The following PDE10A variants were observed in gnomAD, a reference collection of about 807,000 sequenced individuals.
PDE10A encodes phosphodiesterase 10A.
In PDE10A, 39 loss-of-function variants were observed where a neutral mutation model predicts 97.7. That is an observed-to-expected ratio of 0.40 (90% confidence interval 0.31 to 0.52). The LOEUF (loss-of-function observed/expected upper bound fraction) is 0.52. Among genes scored for constraint, PDE10A ranks in the 20% least tolerant of loss-of-function variants. The pLI is 0.56. For synonymous variants in PDE10A, 371 were observed against 376.8 expected, an observed-to-expected ratio of 0.98 and a Z score of 0.18; for missense variants, 731 against 1,047.8, an observed-to-expected ratio of 0.70 and a Z score of 4.17.
At chr6:165,531,994 T>C (rs2128315208) in intron 2 of PDE10A, among the ~76,000 whole-genome samples, 1 of 152,240 alleles carries the variant, frequency 6.6e-6, no homozygotes, top group Non-Finnish European at 1.5e-5. Context: ...GGTACAAAAA[T>C]GAACAACAAC....
At chr6:165,823,524 A>ATATATATATG (rs72442429) in intron 1 of PDE10A, among the ~76,000 whole-genome samples, 3,894 of 79,080 alleles carry the variant, frequency 0.049, 645 homozygotes, top group Non-Finnish European at 0.074. Flanking sequence ...ATATATATAT[A>ATATATATATG]TGAACCTTAA....
At chr6:165,417,635 C>CA (rs11285799) in intron 11 of PDE10A, among the ~76,000 whole-genome samples, 1 of 151,892 alleles carries the variant, frequency 6.6e-6, no homozygotes, top group Non-Finnish European at 1.5e-5. Flanking sequence ...ACAGCAACAA[C>CA]AAAAAAAACC....
chr6:165,454,775 A>G (rs776774895), intron 3 of PDE10A, among the ~76,000 whole-genome samples: 13 of 152,198 alleles, frequency 8.5e-5, no homozygotes, highest in Admixed American at 3.9e-4. Context: ...CAAAGATAAC[A>G]GTGTCCCTGG....
Position 165,661,836 on chromosome 6 carries a change from A to G in PDE10A, c.865+111T>C, listed in dbSNP as rs1790281183. ...CCCCCTGGGCGCTCCACGCCCGGGC[A>G]CGGGCACCTCGCTCGACACCCGCTT... On this transcript the variant is annotated intron_variant, in intron 1 of 21. Transcript: ENST00000539869. This position sits in a 1 kb window ranked among gnomAD's most constrained non-coding sequence, Gnocchi z 4.8. 3.3e-6 allele frequency: 2 copies of G among 600,042 alleles called. No individual in the cohort carries two copies. The highest frequency in any genetic ancestry group is 6.1e-6 in the Non-Finnish European group (2 of 326,918). The allele number at this position is 600,042 out of a possible 1,614,324, so 37.2% of individuals were successfully genotyped here.
chr6:165,615,910 C>T (rs767672330), intron 1 of PDE10A, among the ~76,000 whole-genome samples: 16 of 152,100 alleles, frequency 1.1e-4, no homozygotes, highest in Non-Finnish European at 1.6e-4. Flanking sequence ...TGAATCCACA[C>T]CCTGAAGGCC....
chr6:165,779,507 C>T lies in PDE10A; in HGVS notation c.-615+208022G>A, dbSNP rs372736032. 6.6e-5 allele frequency among the ~76,000 whole-genome samples: 10 copies of T among 152,278 alleles called. 1 individual carries two copies. Among genetic ancestry groups the T allele is most frequent in the African/African-American group, 1.4e-4 (6 of 41,550 alleles). On this transcript the variant is annotated intron_variant, in intron 1 of 19. Coordinates refer to the PDE10A transcript ENST00000366882. ...GGGGTTTCCATTTGTCATTGCCAAG[C>T]GGCCGTACTCTGCTGCAATTAATCC... is the stretch of plus-strand genomic sequence containing the variant.
chr6:165,836,891 G>C lies in PDE10A; in HGVS notation c.-615+150638C>G, dbSNP rs1037397010. Among the ~76,000 whole-genome samples, 8 of 152,106 alleles carry C rather than the reference G, an allele frequency of 5.3e-5. No homozygotes were observed. The East Asian group carries it at 1.4e-3, about 26-fold the overall frequency. On this transcript the variant is annotated intron_variant, in intron 1 of 19. Transcript: ENST00000366882. Reference sequence around the variant, plus strand: ...CCATAAAAAATGATGAGTTCATGTCGTTTGTAGGGACATGGATGAAATTGG... The same window carrying C: ...CCATAAAAAATGATGAGTTCATGTCCTTTGTAGGGACATGGATGAAATTGG...
At chr6:165,347,752 G>A (rs962608978) in intron 18 of PDE10A, among the ~76,000 whole-genome samples, 1 of 152,150 alleles carries the variant, frequency 6.6e-6, no homozygotes, top group African/African-American at 2.4e-5. Flanking sequence ...CTGGCAGAGG[G>A]AGGCCTTTAT....
intron 1 of PDE10A, among the ~76,000 whole-genome samples, chr6:165,851,064 A>G (rs1271880731): frequency 1.3e-5 from 2 of 152,226 alleles, no homozygotes; most frequent in African/African-American, 4.8e-5. Flanking sequence ...GTAAGAGAAA[A>G]TAGACTGCTG....
intron 1 of PDE10A, among the ~76,000 whole-genome samples, chr6:165,931,523 T>C (rs1048402568): frequency 6.6e-6 from 1 of 152,154 alleles, no homozygotes; most frequent in Admixed American, 6.5e-5. Flanking sequence ...TGCCATAAAA[T>C]TGTATTGAGT....
chr6:165,849,322 G>A (rs998315051), intron 1 of PDE10A, among the ~76,000 whole-genome samples: 2 of 152,096 alleles, frequency 1.3e-5, no homozygotes, highest in African/African-American at 2.4e-5. Context: ...TGCTGTTATC[G>A]AACCCATGTT....
chr6:165,377,917 C>T (rs1784711825), intron 18 of PDE10A, among the ~76,000 whole-genome samples: 1 of 152,118 alleles, frequency 6.6e-6, no homozygotes, highest in Non-Finnish European at 1.5e-5. Flanking sequence ...CTTTGTGGTC[C>T]AGGAAGAGGC....
chr6:165,799,952 G>A (rs749440696), intron 1 of PDE10A, among the ~76,000 whole-genome samples: 3 of 152,246 alleles, frequency 2.0e-5, no homozygotes, highest in Non-Finnish European at 2.9e-5. Flanking sequence ...CCCCTGGGAC[G>A]TCTGTCAGGC....
intron 10 of PDE10A, among the ~76,000 whole-genome samples, chr6:165,423,900 T>C (rs1441643050): frequency 6.6e-6 from 1 of 151,940 alleles, no homozygotes; most frequent in Non-Finnish European, 1.5e-5. Flanking sequence ...ATAATAAATC[T>C]TCCGTATTAT....
chr6:165,753,717 C>T (rs994835614), intron 1 of PDE10A, among the ~76,000 whole-genome samples: 5 of 151,994 alleles, frequency 3.3e-5, no homozygotes, highest in African/African-American at 7.3e-5. Context: ...AGTGACACAA[C>T]TTCATTTAAT....
At chr6:165,531,663 C>G (rs961120273) in intron 2 of PDE10A, among the ~76,000 whole-genome samples, 1 of 151,984 alleles carries the variant, frequency 6.6e-6, no homozygotes, top group Non-Finnish European at 1.5e-5. Flanking sequence ...CCTATAAATC[C>G]CACATCCAAA....
intron 1 of PDE10A, among the ~76,000 whole-genome samples, chr6:165,588,389 C>G (rs1291375119): frequency 7.1e-6 from 1 of 140,574 alleles, no homozygotes; most frequent in African/African-American, 2.7e-5. Context: ...CTCCTAGGTT[C>G]AAGCAATTCT....
At chr6:165,656,381 T>A (rs1336223514) in intron 1 of PDE10A, among the ~76,000 whole-genome samples, 2 of 151,114 alleles carry the variant, frequency 1.3e-5, no homozygotes, top group East Asian at 3.9e-4. Flanking sequence ...AACTGCTACC[T>A]CCTGCTTGTA....
At chr6:165,745,254 T>C (rs931040171) in intron 1 of PDE10A, among the ~76,000 whole-genome samples, 1 of 152,196 alleles carries the variant, frequency 6.6e-6, no homozygotes, top group Non-Finnish European at 1.5e-5. Context: ...TTAGTTATTG[T>C]TAGCTACTTG....
Sources: gnomAD v4.1 joint callset for allele counts (sites outside exome capture counted in the v4.1 genomes callset) on GRCh38, gnomAD v4.1.1 for gene constraint, Gnocchi (gnomAD v3.1) non-coding constraint, MANE v1.5 for transcripts, NCBI Gene and HGNC (gene_info 2026-07-23, HGNC 2026-07-21) for gene names.